The following CRB1 variants were observed in gnomAD, a reference collection of about 807,000 sequenced individuals.
CRB1 encodes the protein protein crumbs homolog 1.
In CRB1, 83 loss-of-function variants were observed where a neutral mutation model predicts 120.0. The ratio of observed to expected loss-of-function variants is 0.69; its 90% CI spans 0.58 to 0.83. The LOEUF is 0.83. Ranked by LOEUF, CRB1 falls within the 40% of genes least tolerant of loss-of-function variation. The pLI is 0.00. For missense variants in CRB1, 1,699 were observed against 1,687.6 expected (o/e 1.01, Z -0.12); for synonymous variants, 625 against 612.5 (o/e 1.02, Z -0.30).
At chr1:197,378,160 G>T (rs1661745850) in intron 5 of CRB1, among the ~76,000 whole-genome samples, 1 of 152,164 alleles carries the variant, frequency 6.6e-6, no homozygotes, top group Admixed American at 6.5e-5. Context: ...ATGGTGGCTA[G>T]AATAAAGTTA....
intron 5 of CRB1, among the ~76,000 whole-genome samples, chr1:197,416,242 G>T (rs1196773598): frequency 6.6e-6 from 1 of 152,134 alleles, no homozygotes; most frequent in South Asian, 2.1e-4. Flanking sequence ...TACATGATAT[G>T]TAATCAATAT....
At chr1:197,287,954 C>T (rs528417152) in intron 1 of CRB1, among the ~76,000 whole-genome samples, 1 of 151,902 alleles carries the variant, frequency 6.6e-6, no homozygotes, top group African/African-American at 2.4e-5. Flanking sequence ...GAAGAGTAGT[C>T]ATCCCTAAGA....
intron 11 of CRB1, among the ~76,000 whole-genome samples, chr1:197,467,700 T>C (rs1046092704): frequency 2.6e-5 from 4 of 152,224 alleles, no homozygotes; most frequent in African/African-American, 9.6e-5. Context: ...TCTAAAATTA[T>C]TTAGTATGGC....
intron 11 of CRB1, among the ~76,000 whole-genome samples, chr1:197,454,951 T>C (rs1666203439): frequency 6.6e-6 from 1 of 152,128 alleles, no homozygotes; most frequent in South Asian, 2.1e-4. Context: ...GAAAATCAGG[T>C]ACATAGCTTC....
chr1:197,384,856 A>C (rs753294922), intron 5 of CRB1, among the ~76,000 whole-genome samples: 1 of 152,122 alleles, frequency 6.6e-6, no homozygotes, highest in Non-Finnish European at 1.5e-5. Context: ...TTTGTGTGCC[A>C]CCTGTTCTCT....
chr1:197,361,734 C>T (rs983861154), intron 5 of CRB1, among the ~76,000 whole-genome samples: 2 of 151,630 alleles, frequency 1.3e-5, no homozygotes, highest in South Asian at 2.1e-4. Flanking sequence ...TTATGTCCAC[C>T]TTTTTACAGG....
At chr1:197,206,991 C>T in the CRB1 span, among the ~76,000 whole-genome samples, 1 of 152,058 alleles carries the variant, frequency 6.6e-6, no homozygotes, top group African/African-American at 2.4e-5. Context: ...TATATAATTT[C>T]CCTCTTTGTC....
intron 1 of CRB1, among the ~76,000 whole-genome samples, chr1:197,278,359 T>C (rs1460824747): frequency 6.6e-6 from 1 of 151,940 alleles, no homozygotes; most frequent in Non-Finnish European, 1.5e-5. Flanking sequence ...ACCTAGGACT[T>C]TCCAGTCTCC....
intron 5 of CRB1, among the ~76,000 whole-genome samples, chr1:197,378,199 C>T (rs1291999111): frequency 2.0e-5 from 3 of 152,138 alleles, no homozygotes; most frequent in African/African-American, 4.8e-5. Context: ...TTGGCACATG[C>T]GAAACCATCA....
intron 5 of CRB1, among the ~76,000 whole-genome samples, chr1:197,378,706 T>G (rs1161129570): frequency 7.1e-6 from 1 of 141,050 alleles, no homozygotes; most frequent in Non-Finnish European, 1.6e-5. Flanking sequence ...TTTATTGCTT[T>G]TTTCAAAGAG....
intron 2 of CRB1, among the ~76,000 whole-genome samples, chr1:197,338,209 G>GGT (rs1359993918): frequency 6.6e-6 from 1 of 151,842 alleles, no homozygotes; most frequent in African/African-American, 2.4e-5. Context: ...AAAAAGTGTG[G>GGT]GTGTATATAT....
chr1:197,254,708 C>T, the CRB1 span, among the ~76,000 whole-genome samples: 1 of 152,026 alleles, frequency 6.6e-6, no homozygotes, highest in East Asian at 1.9e-4. Flanking sequence ...ATAATAATTT[C>T]TGAAGGCAAT....
At chr1:197,224,028 T>C in the CRB1 span, among the ~76,000 whole-genome samples, 1 of 152,142 alleles carries the variant, frequency 6.6e-6, no homozygotes, top group South Asian at 2.1e-4. Flanking sequence ...CTGTAGAATA[T>C]TAAGTGGAAG....
intron 11 of CRB1, chr1:197,444,685 A>T (rs540407229): frequency 7.9e-5 from 12 of 152,094 alleles, no homozygotes; most frequent in Non-Finnish European, 1.2e-4. Flanking sequence ...TGTTTTCCAA[A>T]TGTCTTCTTG....
At chr1:197,395,575 G>C (rs1662730151) in intron 5 of CRB1, among the ~76,000 whole-genome samples, 1 of 152,078 alleles carries the variant, frequency 6.6e-6, no homozygotes, top group Non-Finnish European at 1.5e-5. Flanking sequence ...ATAATTTTTA[G>C]TCTTTAAGGA....
chr1:197,329,677 C>G (rs1184361597), intron 2 of CRB1, among the ~76,000 whole-genome samples: 4 of 152,206 alleles, frequency 2.6e-5, no homozygotes, highest in Non-Finnish European at 5.9e-5. Context: ...TCCTCCCTAT[C>G]CTTTTGAATC....
intron 6 of CRB1, among the ~76,000 whole-genome samples, chr1:197,423,091 C>A (rs1664416381): frequency 6.6e-6 from 1 of 152,032 alleles, no homozygotes; most frequent in African/African-American, 2.4e-5. Context: ...TATGCTGAGG[C>A]AATGTTCACT....
intron 5 of CRB1, among the ~76,000 whole-genome samples, chr1:197,371,803 G>A (rs1426652792): frequency 6.6e-5 from 10 of 152,130 alleles, no homozygotes; most frequent in South Asian, 4.1e-4. Flanking sequence ...TCGCTTTTAC[G>A]GTAAGCAGTA....
the CRB1 span, among the ~76,000 whole-genome samples, chr1:197,227,773 AC>A: frequency 6.6e-6 from 1 of 152,020 alleles, no homozygotes; most frequent in Admixed American, 6.5e-5. Context: ...CTCCAACCCC[AC>A]ATTTCCCTTC....
Sources: allele counts gnomAD v4.1 joint callset (sites outside exome capture counted in the v4.1 genomes callset), GRCh38; gene constraint gnomAD v4.1.1; transcripts MANE v1.5; gene names NCBI Gene and HGNC (gene_info 2026-07-23, HGNC 2026-07-21).